Variants in ADAM18 observed in about 807,000 individuals in gnomAD.
ADAM18 encodes ADAM metallopeptidase domain 18, also known as disintegrin and metalloproteinase domain-containing protein 18.
A neutral mutation model predicts 94.4 loss-of-function variants in ADAM18; 117 were observed. The ratio of observed to expected loss-of-function variants is 1.24; its 90% confidence interval spans 1.07 to 1.45. The LOEUF (loss-of-function observed/expected upper bound fraction) is 1.45. Among genes scored for constraint, ADAM18 ranks in the 40% most tolerant of loss-of-function variants. ADAM18 has a pLI of 0.00. For missense variants in ADAM18, 936 were observed against 880.0 expected (o/e 1.06, Z -0.81); for synonymous variants, 327 against 291.6 (o/e 1.12, Z -1.24).
intron 16 of ADAM18, chr8:39,685,546 C>A (rs1821586096): frequency 6.6e-6 from 1 of 152,176 alleles, no homozygotes; most frequent in Admixed American, 6.6e-5. Flanking sequence ...GGGCATTCTT[C>A]CATTGAGTTG....
At chr8:39,636,216 C>G (rs1234916884) in intron 7 of ADAM18, among the ~76,000 whole-genome samples, 1 of 151,924 alleles carries the variant, frequency 6.6e-6, no homozygotes, top group African/African-American at 2.4e-5. Flanking sequence ...GAGATGAAGT[C>G]TCACCATGTT....
chr8:39,610,479 T>C (rs369574720), intron 5 of ADAM18, 50 bp from the exon 6 acceptor site: 5 of 1,527,098 alleles, frequency 3.3e-6, no homozygotes, highest in Non-Finnish European at 4.4e-6. Flanking sequence ...TTTGAAGGGA[T>C]CATTTGTGAG....
chr8:39,609,342 TC>T (rs1326505931), intron 4 of ADAM18, 142 bp from the exon 5 acceptor site: 4 of 692,674 alleles, frequency 5.8e-6, no homozygotes, highest in Non-Finnish European at 9.5e-6. Context: ...TTGTCACAAA[TC>T]TTTTTTTTTC....
At chr8:39,723,645 T>C (rs1230660539) in intron 18 of ADAM18, 103 bp from the exon 19 acceptor site, 2 of 845,218 alleles carry the variant, frequency 2.4e-6, no homozygotes, top group African/African-American at 3.6e-5. Flanking sequence ...TGCAATGCAT[T>C]AAAACTTCAT....
At chr8:39,674,431 C>T (rs1421079631) in intron 14 of ADAM18, among the ~76,000 whole-genome samples, 1 of 152,134 alleles carries the variant, frequency 6.6e-6, no homozygotes, top group Non-Finnish European at 1.5e-5. Flanking sequence ...TTATCAGATA[C>T]TAGGATTGCA....
chr8:39,706,709 T>A, intron 17 of ADAM18, 81 bp from the exon 18 acceptor site: 1 of 589,318 alleles, frequency 1.7e-6, no homozygotes, highest in Non-Finnish European at 3.0e-6. Flanking sequence ...GAAATTTAGT[T>A]ATTTATATCA....
intron 17 of ADAM18, among the ~76,000 whole-genome samples, chr8:39,697,660 C>T (rs961582278): frequency 6.6e-6 from 1 of 151,542 alleles, no homozygotes. Context: ...GTGTTTATTT[C>T]TGTTAAAAAT....
At chr8:39,675,306 A>G (rs954293339) in intron 14 of ADAM18, among the ~76,000 whole-genome samples, 1 of 152,076 alleles carries the variant, frequency 6.6e-6, no homozygotes, top group Non-Finnish European at 1.5e-5. Context: ...TATTTCTTGG[A>G]GGCTTTGTTC....
At position 39,692,636 on chromosome 8, in the gene ADAM18, A is replaced by G; in HGVS notation, c.1858A>G (p.Met620Val). ...TAAAACCTGCAGAAAAGTTCATTTA[A>G]TGGGATATAACTGTAATGCCACCAC... ...VNKTCRKVHL[M>V]GYNCNATTKC... The change falls in exon 17 of 20, where the codon ATG becomes GTG. Residue 620 changes from methionine (M) to valine (V), a missense_variant. By Grantham distance (21) the Met-to-Val change is conservative. Transcript: ENST00000265707. 6.2e-7 allele frequency: 1 copy of G among 1,606,806 alleles called. No homozygotes were observed. Among genetic ancestry groups the G allele is most frequent in the Non-Finnish European group, 8.5e-7 (1 of 1,175,970 alleles).
intron 2 of ADAM18, among the ~76,000 whole-genome samples, chr8:39,588,492 A>G (rs1161734304): frequency 6.6e-6 from 1 of 152,170 alleles, no homozygotes; most frequent in Non-Finnish European, 1.5e-5. Flanking sequence ...TTTGTCATAT[A>G]GATCATTTGA....
chr8:39,716,396 C>T lies in ADAM18; in HGVS notation c.2018-7352C>T, dbSNP rs554848990. 3.3e-5 allele frequency among the ~76,000 whole-genome samples: 5 copies of T among 151,980 alleles called. No individual in the cohort carries two copies. In the South Asian group the frequency reaches 1.0e-3, roughly 32 times the overall value. On this transcript the variant is annotated intron_variant, in intron 18 of 19. Coordinates refer to ENST00000265707, the MANE Select transcript of ADAM18 (RefSeq NM_014237.3). ...GCAGCCCATAATTTTTGGCATGTTG[C>T]ATATTCATATTCATTTGTCTTGAGG...
chr8:39,692,217 C>T (rs563414755), intron 16 of ADAM18, among the ~76,000 whole-genome samples: 17 of 151,740 alleles, frequency 1.1e-4, no homozygotes, highest in African/African-American at 3.9e-4. Context: ...ATTTCTGTTC[C>T]AATTTTTGAG....
intron 2 of ADAM18, among the ~76,000 whole-genome samples, chr8:39,588,508 A>G (rs1340749470): frequency 3.3e-5 from 5 of 152,180 alleles, no homozygotes; most frequent in Non-Finnish European, 7.3e-5. Context: ...TTTGAAATAT[A>G]TTCTTCTATT....
chr8:39,632,108 T>C (rs1819947173), intron 7 of ADAM18, among the ~76,000 whole-genome samples: 1 of 151,930 alleles, frequency 6.6e-6, no homozygotes, highest in African/African-American at 2.4e-5. Flanking sequence ...TGAATTTTAA[T>C]TTTTTTAATT....
chr8:39,729,032 C>T (rs1363849811), intron 19 of ADAM18, among the ~76,000 whole-genome samples: 1 of 152,016 alleles, frequency 6.6e-6, no homozygotes, highest in Non-Finnish European at 1.5e-5. Context: ...TTGTTATTTT[C>T]TGCTTTTTTT....
chr8:39,705,514 C>T (rs2129581283), intron 17 of ADAM18, among the ~76,000 whole-genome samples: 1 of 152,142 alleles, frequency 6.6e-6, no homozygotes, highest in Middle Eastern at 3.4e-3. Flanking sequence ...TACTTGAGCC[C>T]AGGAGTTCAA....
intron 14 of ADAM18, among the ~76,000 whole-genome samples, chr8:39,668,545 C>G (rs1563298979): frequency 1.3e-5 from 2 of 152,044 alleles, no homozygotes; most frequent in Non-Finnish European, 2.9e-5. Flanking sequence ...TGGCATGAAA[C>G]TTACAAGGCT....
At chr8:39,664,600 C>G (rs1355818053) in intron 13 of ADAM18, among the ~76,000 whole-genome samples, 1 of 151,934 alleles carries the variant, frequency 6.6e-6, no homozygotes, top group African/African-American at 2.4e-5. Flanking sequence ...ATTATAAAGT[C>G]AAATAAATGA....
Position 39,648,459 on chromosome 8 carries a change from C to T in ADAM18, c.1162C>T (p.Gln388Ter), listed in dbSNP as rs778593721. ...GCTTTCAAATTTGCAACCATTACAT[C>T]AAAATCAACCAGTGTGTGGTAATGG... ...QKLSNLQPLH[Q>*]NQPVCGNGIL... The change falls in exon 12 of 20, where the codon CAA (glutamine) becomes TAA (stop). Residue 388 changes from glutamine to a stop codon, truncating the protein, a stop_gained. Transcript: ENST00000265707. LOFTEE classifies it high-confidence loss of function. 1 of 1,613,002 alleles carries T rather than the reference C, an allele frequency of 6.2e-7. No individual in the cohort carries two copies. The highest frequency in any genetic ancestry group is 1.1e-5 in the South Asian group (1 of 90,892).
Sources: allele counts gnomAD v4.1 joint callset (sites outside exome capture counted in the v4.1 genomes callset), GRCh38; gene constraint gnomAD v4.1.1; transcripts MANE v1.5; gene names NCBI Gene and HGNC (gene_info 2026-07-23, HGNC 2026-07-21).